ZNF724: variants seen among roughly 807,000 people sequenced by gnomAD.
ZNF724 encodes the protein zinc finger protein 724 pseudogene.
Under a neutral mutation model 29.3 loss-of-function variants are expected in ZNF724, and 14 were observed. That is an observed-to-expected ratio of 0.48 (90% CI 0.32 to 0.75). ZNF724 has a LOEUF of 0.75. Ranked by LOEUF, ZNF724 falls within the 30% of genes least tolerant of loss-of-function variation. The pLI is 0.04. For synonymous variants in ZNF724, 180 were observed against 193.6 expected, an observed-to-expected ratio of 0.93 and a Z score of 0.58; for missense variants, 557 against 571.2, an observed-to-expected ratio of 0.98 and a Z score of 0.25.
At chr19:23,241,866 A>G (rs1486683055) in intron 1 of ZNF724, among the ~76,000 whole-genome samples, 1 of 152,224 alleles carries the variant, frequency 6.6e-6, no homozygotes, top group African/African-American at 2.4e-5. Context: ...TCAACAGAGA[A>G]TTGGAAGTCC....
intron 1 of ZNF724, among the ~76,000 whole-genome samples, chr19:23,234,546 G>C (rs1185967262): frequency 6.6e-6 from 1 of 151,986 alleles, no homozygotes; most frequent in Middle Eastern, 3.2e-3. Context: ...CCACCTCCTG[G>C]GTTAAAGAGA....
chr19:23,225,221 G>A (rs73559557), intron 3 of ZNF724, among the ~76,000 whole-genome samples: 2,074 of 152,170 alleles, frequency 0.014, 60 homozygotes, highest in African/African-American at 0.047. Context: ...ATTCACAAAA[G>A]CCAAAAGGCT....
intron 1 of ZNF724, among the ~76,000 whole-genome samples, chr19:23,244,423 G>C (rs1404442332): frequency 6.6e-6 from 1 of 152,098 alleles, no homozygotes; most frequent in Non-Finnish European, 1.5e-5. Context: ...ATCCTGTGGT[G>C]GCAACTGTGG....
chr19:23,244,226 G>C (rs1046898095), intron 1 of ZNF724, among the ~76,000 whole-genome samples: 3 of 152,144 alleles, frequency 2.0e-5, no homozygotes, highest in Non-Finnish European at 2.9e-5. Flanking sequence ...GGGAGAACAG[G>C]TTGCTGCTGC....
At chr19:23,224,377 C>T (rs897055302) in intron 3 of ZNF724, among the ~76,000 whole-genome samples, 1 of 152,094 alleles carries the variant, frequency 6.6e-6, no homozygotes, top group Non-Finnish European at 1.5e-5. Flanking sequence ...CACACCAAGG[C>T]ACTCCACGCT....
At chr19:23,248,109 A>G (rs1483826346) in intron 1 of ZNF724, among the ~76,000 whole-genome samples, 1 of 152,198 alleles carries the variant, frequency 6.6e-6, no homozygotes, top group Non-Finnish European at 1.5e-5. Flanking sequence ...TAGGGAAGAT[A>G]AAAGAAAAAG....
chr19:23,237,717 T>TAAAAAAAAAA (rs56110527), intron 1 of ZNF724, among the ~76,000 whole-genome samples: 1 of 132,592 alleles, frequency 7.5e-6, no homozygotes, highest in Non-Finnish European at 1.6e-5. Context: ...GAACCCGTCT[T>TAAAAAAAAAA]AAAAAAAAAA....
chr19:23,227,417 G>A (rs946022866), intron 3 of ZNF724, among the ~76,000 whole-genome samples: 8 of 151,582 alleles, frequency 5.3e-5, no homozygotes, highest in East Asian at 1.9e-4. Flanking sequence ...CTAGCCAGGC[G>A]TGGTGGTGCA....
At chr19:23,235,513 T>C (rs1190160822) in intron 1 of ZNF724, among the ~76,000 whole-genome samples, 2 of 152,246 alleles carry the variant, frequency 1.3e-5, no homozygotes, top group Admixed American at 6.5e-5. Context: ...AAATACATAC[T>C]TTATTTTTCC....
At chr19:23,231,110 C>A (rs1971927372) in intron 3 of ZNF724, 156 bp downstream of exon 3, 1 of 519,424 alleles carries the variant, frequency 1.9e-6, no homozygotes. Flanking sequence ...CTCGAACACC[C>A]GACCTTAGGT....
chr19:23,243,757 T>C (rs1203136745), intron 1 of ZNF724, among the ~76,000 whole-genome samples: 2 of 151,460 alleles, frequency 1.3e-5, no homozygotes, highest in Non-Finnish European at 2.9e-5. Flanking sequence ...ACCTCGTCTC[T>C]ACTAAAAATA....
At chr19:23,225,976 C>A (rs1971818908) in intron 3 of ZNF724, among the ~76,000 whole-genome samples, 1 of 151,844 alleles carries the variant, frequency 6.6e-6, no homozygotes. Context: ...TTCAATTCCC[C>A]AAGCTGCTAG....
chr19:23,241,791 C>T (rs1972129037), intron 1 of ZNF724, among the ~76,000 whole-genome samples: 1 of 152,142 alleles, frequency 6.6e-6, no homozygotes, highest in Non-Finnish European at 1.5e-5. Flanking sequence ...TAAATGGACA[C>T]AAGCTGGAAG....
In ZNF724 at chr19:23,226,153, G is replaced by A. The variant is rs146386064; in HGVS notation, c.227-2135C>T. 1.0e-2 allele frequency among the ~76,000 whole-genome samples: 1,464 copies of A among 146,900 alleles called. 19 individuals are homozygous for A. Among genetic ancestry groups the A allele is most frequent in the African/African-American group, 0.034 (1,361 of 39,896 alleles). On this transcript the variant is annotated intron_variant, in intron 3 of 3. Transcript: ENST00000418100. ...TGCAAGCTCTACCTCCTGGGTTCACGCCATTCTCCTGCCTCAGCCTCCCAA... is the reference window on the plus strand; with the variant it reads ...TGCAAGCTCTACCTCCTGGGTTCACACCATTCTCCTGCCTCAGCCTCCCAA...
intron 2 of ZNF724, among the ~76,000 whole-genome samples, chr19:23,231,771 C>A (rs1206293705): frequency 6.6e-6 from 1 of 151,774 alleles, no homozygotes; most frequent in African/African-American, 2.4e-5. Context: ...TCTCACTCTG[C>A]CACCCAGGCT....
intron 1 of ZNF724, among the ~76,000 whole-genome samples, chr19:23,234,473 C>T (rs755683810): frequency 1.3e-5 from 2 of 150,354 alleles, no homozygotes; most frequent in Non-Finnish European, 3.0e-5. Context: ...TTTTTTTAGA[C>T]GGTGTTTTGC....
intron 3 of ZNF724, chr19:23,230,743 T>C (rs539036264): frequency 1.3e-5 from 2 of 152,284 alleles, no homozygotes; most frequent in African/African-American, 4.8e-5. Flanking sequence ...GAAGGGAAAG[T>C]ATATTCCTTA....
At chr19:23,228,319 G>A (rs1305781154) in intron 3 of ZNF724, among the ~76,000 whole-genome samples, 10 of 151,414 alleles carry the variant, frequency 6.6e-5, no homozygotes, top group East Asian at 3.9e-4. Flanking sequence ...GCGTGGTGGC[G>A]CATGCCTGTA....
At chr19:23,232,806 A>G (rs1218180142) in intron 1 of ZNF724, among the ~76,000 whole-genome samples, 1 of 66,116 alleles carries the variant, frequency 1.5e-5, no homozygotes, top group African/African-American at 5.4e-5. Flanking sequence ...CAACAAGTGA[A>G]ATAACCTGTT....
Sources: gnomAD v4.1 joint callset for allele counts (sites outside exome capture counted in the v4.1 genomes callset) on GRCh38, gnomAD v4.1.1 for gene constraint, MANE v1.5 for transcripts, NCBI Gene and HGNC (gene_info 2026-07-23, HGNC 2026-07-21) for gene names.